The following RNF144A variants were observed in gnomAD, a reference collection of about 807,000 sequenced individuals.
RNF144A encodes ring finger protein 144A, also known as E3 ubiquitin-protein ligase RNF144A.
In RNF144A, 11 loss-of-function variants were observed where a neutral mutation model predicts 38.7. That is an observed-to-expected ratio of 0.28 (90% CI 0.18 to 0.47). The LOEUF (loss-of-function observed/expected upper bound fraction) is 0.47. Ranked by LOEUF, RNF144A falls within the 20% of genes least tolerant of loss-of-function variation. The pLI is 0.99. For missense variants in RNF144A, 316 were observed against 377.2 expected, an observed-to-expected ratio of 0.84 and a Z score of 1.34; for synonymous variants, 149 against 143.9, an observed-to-expected ratio of 1.04 and a Z score of -0.25.
intron 3 of RNF144A, among the ~76,000 whole-genome samples, chr2:7,006,691 C>T (rs536811158): frequency 4.5e-4 from 68 of 152,286 alleles, no homozygotes; most frequent in Non-Finnish European, 9.3e-4. Context: ...TGGCCACCTC[C>T]CCAAAGCCTC....
intron 1 of RNF144A, among the ~76,000 whole-genome samples, chr2:6,926,551 G>T (rs750418517): frequency 6.6e-6 from 1 of 152,208 alleles, no homozygotes; most frequent in Non-Finnish European, 1.5e-5. Flanking sequence ...AAGGTTGCAG[G>T]TGTGGGGCTA....
chr2:7,043,537 T>TA lies in RNF144A; in HGVS notation c.*3783dup. 1.0e-6 allele frequency: 1 copy of TA among 985,698 alleles called. No homozygotes were observed. The highest frequency in any genetic ancestry group is 1.2e-6 in the Non-Finnish European group (1 of 829,808). The allele number at this position is 985,698 out of a possible 1,614,324, so 61.1% of individuals were successfully genotyped here. ...GTGTAAAGCTTCATGAAGTTCTCTT[T>TA]AAAAAATACCAAAGCTTGTTTATTT... On this transcript the variant is annotated 3_prime_UTR_variant, in exon 9 of 9. Transcript: ENST00000320892.
intron 8 of RNF144A, among the ~76,000 whole-genome samples, chr2:7,031,323 G>A (rs1056498257): frequency 2.0e-5 from 3 of 151,866 alleles, no homozygotes; most frequent in Non-Finnish European, 4.4e-5. Flanking sequence ...ATACAGTGGT[G>A]CGTGAGACAG....
At chr2:7,033,652 C>T (rs1325279415) in intron 8 of RNF144A, among the ~76,000 whole-genome samples, 3 of 152,200 alleles carry the variant, frequency 2.0e-5, no homozygotes, top group Admixed American at 6.5e-5. Flanking sequence ...TGACCTCCTC[C>T]GTGAAGTCTC....
At chr2:7,030,305 GTA>G (rs1304141183) in intron 8 of RNF144A, 90 bp downstream of exon 8, 75 of 661,208 alleles carry the variant, frequency 1.1e-4, no homozygotes, top group Non-Finnish European at 1.5e-4. Flanking sequence ...GTGTGTGTGT[GTA>G]TGTATATCTT....
At chr2:7,000,075 C>T (rs938089319) in intron 3 of RNF144A, among the ~76,000 whole-genome samples, 3 of 152,214 alleles carry the variant, frequency 2.0e-5, no homozygotes, top group African/African-American at 7.2e-5. Flanking sequence ...TCCCCTGAAG[C>T]AGGTTCTCCG....
chr2:6,952,571 G>A (rs1409141795), intron 2 of RNF144A, among the ~76,000 whole-genome samples: 1 of 150,214 alleles, frequency 6.7e-6, no homozygotes, highest in Non-Finnish European at 1.5e-5. Context: ...ATTTCTTCTT[G>A]AGTCAGTTTT....
intron 7 of RNF144A, 31 bp downstream of exon 7, chr2:7,024,547 C>T (rs767208974): frequency 1.3e-6 from 2 of 1,580,820 alleles, no homozygotes; most frequent in East Asian, 4.5e-5. Flanking sequence ...CACCTTGCGG[C>T]ATTTAGCTTT....
chr2:7,020,171 G>A (rs1480851389), intron 5 of RNF144A, among the ~76,000 whole-genome samples: 1 of 152,190 alleles, frequency 6.6e-6, no homozygotes, highest in Non-Finnish European at 1.5e-5. Flanking sequence ...GCTGTGAGCT[G>A]AGTGTCAGAG....
At chr2:6,935,572 ATGGGATGGCCTCTCACCTTGTGAGCTC>A (rs1558361857) in intron 1 of RNF144A, among the ~76,000 whole-genome samples, 1 of 152,066 alleles carries the variant, frequency 6.6e-6, no homozygotes, top group South Asian at 2.1e-4. Flanking sequence ...CAGCATGTAG[ATGGGATGGCCTCTCACCTTGTGAGCTC>A]ATTTGGCTTC....
At chr2:6,964,474 A>G (rs550423568) in intron 2 of RNF144A, among the ~76,000 whole-genome samples, 2 of 152,362 alleles carry the variant, frequency 1.3e-5, no homozygotes, top group South Asian at 2.1e-4. Flanking sequence ...TACTGGGTAT[A>G]TACCCAAAGG....
rs1411674118 is a variant in RNF144A, at chr2:6,941,994, T to C, written c.-12+847T>C. ...TTCATGATGGGATATCAGTGTAGGG[T>C]TTTAAGCAGAGAAGCAGGGTCTATT... On this transcript the variant is annotated intron_variant, in intron 2 of 8. Transcript: ENST00000320892. This position sits in a 1 kb window ranked among gnomAD's most constrained non-coding sequence, Gnocchi z 6.5. Among the ~76,000 whole-genome samples the C allele has an allele frequency of 6.6e-6, 1 of 152,080 alleles. No homozygotes were observed. Among genetic ancestry groups the C allele is most frequent in the Non-Finnish European group, 1.5e-5 (1 of 68,006 alleles).
chr2:6,976,308 G>T (rs1247931820), intron 2 of RNF144A, among the ~76,000 whole-genome samples: 2 of 152,210 alleles, frequency 1.3e-5, no homozygotes, highest in Non-Finnish European at 2.9e-5. Context: ...GATAGTTGGG[G>T]AATGGCATCT....
intron 1 of RNF144A, chr2:6,932,935 T>C (rs1665293356): frequency 6.6e-6 from 1 of 152,230 alleles, no homozygotes; most frequent in Non-Finnish European, 1.5e-5. Flanking sequence ...GGGATCCCTG[T>C]GTTTCCCAGT....
At position 7,020,669 on chromosome 2, in the gene RNF144A, C is replaced by G; in HGVS notation, c.498C>G (p.Pro166=). ...AGACCATGCCGATCACCTTCCTCCC[C>G]GGGGAGACCAGGTACCCTTTGTACA... ...CPETMPITFL[P]GETSAAFKME... is the part of the protein sequence containing the mutation. Residue 166 remains proline (P), a synonymous_variant, in exon 6 of 9, where the codon CCC becomes CCG. Coordinates refer to ENST00000320892, the MANE Select transcript of RNF144A (RefSeq NM_014746.6). The G allele has an allele frequency of 6.2e-7, 1 of 1,603,226 alleles. No homozygotes were observed.
intron 5 of RNF144A, among the ~76,000 whole-genome samples, chr2:7,018,710 A>AATTTTGTCC (rs1377017021): frequency 6.6e-6 from 1 of 152,216 alleles, no homozygotes; most frequent in Non-Finnish European, 1.5e-5. Context: ...GAGAAGAGCT[A>AATTTTGTCC]ATTTTGTCCA....
intron 1 of RNF144A, among the ~76,000 whole-genome samples, chr2:6,931,094 G>A (rs890359412): frequency 3.9e-5 from 6 of 152,194 alleles, no homozygotes; most frequent in South Asian, 2.1e-4. Context: ...ACTGAGTACT[G>A]TTCATGTCAG....
At chr2:6,968,406 T>A (rs1051602600) in intron 2 of RNF144A, among the ~76,000 whole-genome samples, 6 of 152,228 alleles carry the variant, frequency 3.9e-5, no homozygotes, top group Non-Finnish European at 8.8e-5. Context: ...TAGAACAGAC[T>A]CCTAGTGGGT....
At chr2:7,038,595 GGA>G (rs1259798348) in intron 8 of RNF144A, among the ~76,000 whole-genome samples, 2 of 152,092 alleles carry the variant, frequency 1.3e-5, no homozygotes, top group African/African-American at 2.4e-5. Flanking sequence ...GGAAAAGGGT[GGA>G]GAGAGAGAAG....
Sources: gnomAD v4.1 joint callset for allele counts (sites outside exome capture counted in the v4.1 genomes callset) on GRCh38, gnomAD v4.1.1 for gene constraint, Gnocchi (gnomAD v3.1) non-coding constraint, MANE v1.5 for transcripts, NCBI Gene and HGNC (gene_info 2026-07-23, HGNC 2026-07-21) for gene names.